Variants in NECAB1 observed in about 807,000 individuals in gnomAD.
NECAB1 encodes the protein N-terminal EF-hand calcium-binding protein 1.
NECAB1 carries 29 observed loss-of-function variants against 57.5 expected under a neutral mutation model. The observed-to-expected ratio is 0.50, with a 90% CI of 0.38 to 0.69. The LOEUF is 0.69. Ranked by LOEUF, NECAB1 falls within the 30% of genes least tolerant of loss-of-function variation. The pLI, the probability that NECAB1 is intolerant of heterozygous loss-of-function variation, is 0.00. For missense variants in NECAB1, 372 were observed against 413.8 expected (o/e 0.90, Z 0.88); for synonymous variants, 142 against 147.7 (o/e 0.96, Z 0.28).
At chr8:90,943,127 C>G (rs187551980) in intron 10 of NECAB1, among the ~76,000 whole-genome samples, 2 of 152,298 alleles carry the variant, frequency 1.3e-5, no homozygotes, top group South Asian at 4.1e-4. Context: ...GCTACTAGAA[C>G]AGCCCCAGGG....
At chr8:90,873,026 T>C (rs1046073898) in intron 4 of NECAB1, among the ~76,000 whole-genome samples, 4 of 152,084 alleles carry the variant, frequency 2.6e-5, no homozygotes, top group Admixed American at 1.3e-4. Context: ...TATTCAAGAG[T>C]GGTTATTTTC....
At chr8:90,805,858 C>G (rs1471941270) in intron 2 of NECAB1, among the ~76,000 whole-genome samples, 2 of 151,882 alleles carry the variant, frequency 1.3e-5, no homozygotes, top group Non-Finnish European at 2.9e-5. Flanking sequence ...CATTCATCAC[C>G]ACCCATCGTG....
intron 2 of NECAB1, among the ~76,000 whole-genome samples, chr8:90,818,546 A>G (rs1812093609): frequency 6.6e-6 from 1 of 152,062 alleles, no homozygotes; most frequent in Non-Finnish European, 1.5e-5. Context: ...ATTTCACTGC[A>G]TATTCTTACT....
At chr8:90,841,184 T>C (rs1055677588) in intron 3 of NECAB1, among the ~76,000 whole-genome samples, 11 of 151,384 alleles carry the variant, frequency 7.3e-5, no homozygotes, top group Non-Finnish European at 1.6e-4. Flanking sequence ...GGTGTGAACC[T>C]GGGAGGCGGA....
chr8:90,875,259 A>C (rs1303550812), intron 4 of NECAB1, among the ~76,000 whole-genome samples: 1 of 151,670 alleles, frequency 6.6e-6, no homozygotes, highest in Non-Finnish European at 1.5e-5. Context: ...AGGCGGGTGG[A>C]TCATGAGGTC....
chr8:90,872,063 T>A, intron 3 of NECAB1, 65 bp from the exon 4 acceptor site: 1 of 1,278,540 alleles, frequency 7.8e-7, no homozygotes, highest in Non-Finnish European at 1.1e-6. Context: ...ATTTAACTAT[T>A]TAAAAACGTA....
At chr8:90,953,482 G>A (rs1168346558) in intron 12 of NECAB1, among the ~76,000 whole-genome samples, 1 of 152,114 alleles carries the variant, frequency 6.6e-6, no homozygotes, top group Non-Finnish European at 1.5e-5. Context: ...GCCCTATTTT[G>A]TATTAATTTC....
intron 3 of NECAB1, among the ~76,000 whole-genome samples, chr8:90,844,701 T>G (rs946402412): frequency 3.3e-5 from 5 of 152,218 alleles, no homozygotes; most frequent in Non-Finnish European, 7.3e-5. Context: ...ATCTAAGCTC[T>G]CTTCACTTTC....
At chr8:90,795,166 A>G (rs1811639564) in intron 1 of NECAB1, among the ~76,000 whole-genome samples, 1 of 152,220 alleles carries the variant, frequency 6.6e-6, no homozygotes, top group South Asian at 2.1e-4. Flanking sequence ...AGTTTGGAAT[A>G]CTAGTCTATG....
rs887513153 is a variant in NECAB1, at chr8:90,951,213, C to G, written c.1030+9C>G. On this transcript the variant is annotated intron_variant, in intron 12 of 12. Coordinates refer to ENST00000417640, the MANE Select transcript of NECAB1 (RefSeq NM_022351.5). ...TACAATGCTAGTTCCTGGTAATTATCCTGGGTTTACAATGCTTCTGTGTCC... is the reference window on the plus strand; with the variant it reads ...TACAATGCTAGTTCCTGGTAATTATGCTGGGTTTACAATGCTTCTGTGTCC... 4.6e-6 allele frequency: 7 copies of G among 1,521,852 alleles called. No homozygotes were observed. Among genetic ancestry groups the G allele is most frequent in the Non-Finnish European group, 6.3e-6 (7 of 1,108,564 alleles). The allele number at this position is 1,521,852 out of a possible 1,614,324, so 94.3% of individuals were successfully genotyped here. A position where few individuals can be genotyped will look rare whatever the true frequency, so the allele number is the denominator to read the frequency against.
At chr8:90,876,651 G>C (rs1028231867) in intron 4 of NECAB1, among the ~76,000 whole-genome samples, 7 of 151,978 alleles carry the variant, frequency 4.6e-5, no homozygotes, top group Non-Finnish European at 8.8e-5. Context: ...GTACAGAAAG[G>C]CAGGTAGAAA....
intron 3 of NECAB1, among the ~76,000 whole-genome samples, chr8:90,868,066 T>C (rs1325368757): frequency 7.2e-6 from 1 of 139,496 alleles, no homozygotes; most frequent in East Asian, 2.7e-4. Flanking sequence ...TGTGTAGCAC[T>C]TCCCCCTTCA....
At chr8:90,888,571 TG>T (rs1809070863) in intron 5 of NECAB1, among the ~76,000 whole-genome samples, 1 of 152,234 alleles carries the variant, frequency 6.6e-6, no homozygotes, top group Non-Finnish European at 1.5e-5. Context: ...ATTATCATGT[TG>T]AAGTTGTTCT....
At chr8:90,797,573 A>G (rs1465994357) in intron 1 of NECAB1, among the ~76,000 whole-genome samples, 2 of 152,100 alleles carry the variant, frequency 1.3e-5, no homozygotes, top group African/African-American at 2.4e-5. Flanking sequence ...TTACTTAGGG[A>G]AAAAAAGTCA....
At chr8:90,834,497 A>G (rs1291674719) in intron 3 of NECAB1, among the ~76,000 whole-genome samples, 2 of 152,156 alleles carry the variant, frequency 1.3e-5, no homozygotes, top group Admixed American at 1.3e-4. Context: ...GTAAGGATAC[A>G]TAGAAAGTGC....
At position 90,908,466 on chromosome 8, in the gene NECAB1, T is replaced by C. The variant is rs2339288; in HGVS notation, c.358-9026T>C. On this transcript the variant is annotated intron_variant, in intron 5 of 12. Transcript: ENST00000417640. ...TGCTAGCAGTTGAGAAGATGGCATA[T>C]AAGAGGTGTTAAAAATTACTAATTT... is the stretch of plus-strand genomic sequence containing the variant. Among the ~76,000 whole-genome samples the C allele has an allele frequency of 2.6e-4, 39 of 152,248 alleles. 1 individual carries two copies. The South Asian group carries it at 6.4e-3, about 25-fold the overall frequency.
chr8:90,945,495 C>G (rs1469948900), intron 10 of NECAB1, among the ~76,000 whole-genome samples: 3 of 152,208 alleles, frequency 2.0e-5, no homozygotes, highest in African/African-American at 7.2e-5. Flanking sequence ...CCACCGTGCC[C>G]AGCCTCATTA....
chr8:90,921,388 G>T (rs960622146), intron 6 of NECAB1, among the ~76,000 whole-genome samples: 1 of 152,094 alleles, frequency 6.6e-6, no homozygotes, highest in Non-Finnish European at 1.5e-5. Flanking sequence ...CAACCTGCAG[G>T]TCAGGCATGG....
At chr8:90,940,552 C>A (rs993976866) in intron 9 of NECAB1, 5 of 443,688 alleles carry the variant, frequency 1.1e-5, no homozygotes, top group Non-Finnish European at 2.0e-5. Flanking sequence ...AAGGGAAACA[C>A]GTCATTGTAA....
Sources: allele counts gnomAD v4.1 joint callset (sites outside exome capture counted in the v4.1 genomes callset), GRCh38; gene constraint gnomAD v4.1.1; transcripts MANE v1.5; gene names NCBI Gene and HGNC (gene_info 2026-07-23, HGNC 2026-07-21).